Variants in NFXL1 observed in about 807,000 individuals in gnomAD.
The protein encoded by NFXL1 is NF-X1-type zinc finger protein NFXL1.
In NFXL1, 66 loss-of-function variants were observed where a neutral mutation model predicts 123.3. The observed-to-expected ratio is 0.54, with a 90% CI of 0.44 to 0.66. The LOEUF (loss-of-function observed/expected upper bound fraction) is 0.66, where lower values mean the gene tolerates loss of function less well. NFXL1 is among the 30% of genes least tolerant of loss of function. The pLI is 0.00. For synonymous variants in NFXL1, 346 were observed against 360.8 expected (o/e 0.96, Z 0.46); for missense variants, 944 against 1,125.6 (o/e 0.84, Z 2.31).
chr4:47,893,011 G>A (rs1215411941), intron 11 of NFXL1, among the ~76,000 whole-genome samples: 2 of 151,988 alleles, frequency 1.3e-5, no homozygotes, highest in African/African-American at 2.4e-5. Flanking sequence ...ATGCTAAGGA[G>A]AAACACGGAA....
intron 22 of NFXL1, 39 bp from the exon 23 acceptor site, chr4:47,848,375 ATACATT>A: frequency 1.4e-6 from 2 of 1,456,768 alleles, no homozygotes; most frequent in Non-Finnish European, 1.9e-6. Flanking sequence ...AATTCAATGC[ATACATT>A]GATTTGAAAG....
At chr4:47,899,220 CT>C in intron 6 of NFXL1, 100 bp from the exon 7 acceptor site, 1 of 1,297,222 alleles carries the variant, frequency 7.7e-7, no homozygotes, top group Non-Finnish European at 1.0e-6. Context: ...CTAGAACTTT[CT>C]TTACTGACAC....
chr4:47,912,466 T>C (rs977529020), intron 2 of NFXL1, among the ~76,000 whole-genome samples: 3 of 149,276 alleles, frequency 2.0e-5, no homozygotes, highest in African/African-American at 7.3e-5. Context: ...TCTTTCTTTT[T>C]TTTTTTTTTT....
chr4:47,914,102 T>C lies in NFXL1; in HGVS notation c.102A>G (p.Gly34=). 1 of 1,551,634 alleles carries C rather than the reference T, an allele frequency of 6.4e-7. No individual in the cohort carries two copies. Among genetic ancestry groups the C allele is most frequent in the Non-Finnish European group, 8.7e-7 (1 of 1,148,084 alleles). ...SGNGVHLRGA[G]GGREKGSVGA... ...CCACCGACCCCTTCTCTCGCCCTCCTCCGGCGCCGCGGAGATGGACTCCAT... is the reference window on the plus strand; with the variant it reads ...CCACCGACCCCTTCTCTCGCCCTCCCCCGGCGCCGCGGAGATGGACTCCAT... The change falls in exon 2 of 23, where the codon GGA becomes GGG. Residue 34 remains glycine, a synonymous_variant. Coordinates refer to ENST00000507489, the MANE Select transcript of NFXL1 (RefSeq NM_001278624.2).
At chr4:47,908,656 A>G (rs946182551) in intron 3 of NFXL1, among the ~76,000 whole-genome samples, 6 of 152,030 alleles carry the variant, frequency 3.9e-5, no homozygotes, top group Admixed American at 6.6e-5. Flanking sequence ...ACATGACTGA[A>G]AAAAGAAACA....
At chr4:47,877,174 G>A (rs918907371) in intron 17 of NFXL1, 6 of 465,824 alleles carry the variant, frequency 1.3e-5, no homozygotes, top group Non-Finnish European at 2.1e-5. Flanking sequence ...ACAAATCACA[G>A]AGCTTCAGTT....
At position 47,875,177 on chromosome 4, in the gene NFXL1, C is replaced by T; in HGVS notation, c.2196G>A (p.Met732Ile). The T allele has an allele frequency of 6.2e-7, 1 of 1,612,334 alleles. No individual in the cohort carries two copies. The highest frequency in any genetic ancestry group is 8.5e-7 in the Non-Finnish European group (1 of 1,178,572). ...TCTTACAGTGACATTTTATTCTAAG[C>T]ATCTGAACACAAGGTGGACATTCTC... ...HPGECPPCVQ[M>I]LRIKCHCKIT... The change falls in exon 18 of 23, where the codon ATG (methionine) becomes ATA (isoleucine). Residue 732 changes from methionine to isoleucine, a missense_variant. Transcript: ENST00000507489.
intron 11 of NFXL1, among the ~76,000 whole-genome samples, chr4:47,892,580 T>A (rs1736842194): frequency 6.6e-6 from 1 of 152,184 alleles, no homozygotes; most frequent in South Asian, 2.1e-4. Context: ...TAGAAGGACC[T>A]TCTAATACCT....
intron 18 of NFXL1, among the ~76,000 whole-genome samples, chr4:47,873,122 A>G (rs1210811930): frequency 6.6e-6 from 1 of 152,222 alleles, no homozygotes; most frequent in East Asian, 1.9e-4. Flanking sequence ...TTCAAGTTTT[A>G]TCATGAGATT....
At chr4:47,868,568 G>A (rs1387778324) in intron 18 of NFXL1, among the ~76,000 whole-genome samples, 5 of 149,658 alleles carry the variant, frequency 3.3e-5, no homozygotes, top group East Asian at 1.9e-4. Context: ...CATTAAAAAC[G>A]TACAAAAAAA....
At chr4:47,857,511 C>T (rs1018805738) in intron 19 of NFXL1, among the ~76,000 whole-genome samples, 1 of 152,200 alleles carries the variant, frequency 6.6e-6, no homozygotes, top group Non-Finnish European at 1.5e-5. Flanking sequence ...TTATATCTTT[C>T]TGCCTCCTAA....
At chr4:47,859,357 C>T (rs1224416068) in intron 19 of NFXL1, among the ~76,000 whole-genome samples, 5 of 152,124 alleles carry the variant, frequency 3.3e-5, no homozygotes, top group African/African-American at 9.7e-5. Context: ...ACATATATAG[C>T]GCTTACCATT....
intron 12 of NFXL1, among the ~76,000 whole-genome samples, chr4:47,887,599 G>A (rs1388117027): frequency 6.6e-6 from 1 of 152,056 alleles, no homozygotes; most frequent in East Asian, 1.9e-4. Flanking sequence ...ATGACTACAA[G>A]TTGTATTTTT....
Position 47,914,359 on chromosome 4 carries a change from CT to C in NFXL1, c.-3+5del. On this transcript the variant is annotated splice_donor_5th_base_variant and intron_variant, in intron 1 of 22. Coordinates refer to ENST00000507489, the MANE Select transcript of NFXL1 (RefSeq NM_001278624.2). ...GGGTTTTAGGAGGTCGCGGCCCTGC[CT>C]TTACCGGAGGGCGAGTCCCCGCCAA... 1 of 592,238 alleles carries C rather than the reference CT, an allele frequency of 1.7e-6. No individual in the cohort carries two copies. The highest frequency in any genetic ancestry group is 2.9e-5 in the East Asian group (1 of 33,962). 36.7% of individuals were successfully genotyped at this position (592,238 alleles called of 1,614,324 possible).
At chr4:47,851,763 G>C (rs988546926) in intron 21 of NFXL1, 93 bp downstream of exon 21, 1 of 784,652 alleles carries the variant, frequency 1.3e-6, no homozygotes, top group Non-Finnish European at 2.1e-6. Flanking sequence ...GCAAAAAAAT[G>C]AGATTTCAAG....
chr4:47,897,896 C>A, intron 9 of NFXL1, 71 bp downstream of exon 9: 1 of 924,132 alleles, frequency 1.1e-6, no homozygotes, highest in East Asian at 2.7e-5. Flanking sequence ...TCCTGGAGGA[C>A]GTCTTTTGAA....
intron 10 of NFXL1, among the ~76,000 whole-genome samples, chr4:47,895,082 AG>A (rs1369615529): frequency 6.6e-6 from 1 of 152,166 alleles, no homozygotes; most frequent in Non-Finnish European, 1.5e-5. Context: ...ATTGTCAATG[AG>A]CAGTAATATT....
intron 11 of NFXL1, among the ~76,000 whole-genome samples, chr4:47,891,843 A>G (rs1364505510): frequency 6.6e-6 from 1 of 152,082 alleles, no homozygotes; most frequent in East Asian, 1.9e-4. Context: ...AGGCTGAGGC[A>G]GGAGAATTGC....
rs375179450 is a variant in NFXL1 at position 47,875,206 on chromosome 4, G to A, written c.2167C>T (p.Pro723Ser). The change falls in exon 18 of 23, where the codon CCT becomes TCT. Residue 723 changes from proline to serine, a missense_variant. By Grantham distance (74) the Pro-to-Ser change is moderately conservative. Transcript: ENST00000507489. ...CLHPCILRCH[P>S]GECPPCVQML... is the part of the protein sequence containing the mutation. ...TGAACACAAGGTGGACATTCTCCAG[G>A]GTGACATCGCAAAATACATGGGTGA... 25 of 1,612,618 alleles carry A rather than the reference G, an allele frequency of 1.6e-5. No individual in the cohort carries two copies. In the African/African-American group the frequency reaches 3.1e-4, roughly 20 times the overall value.
Sources: gnomAD v4.1 joint callset for allele counts (sites outside exome capture counted in the v4.1 genomes callset) on GRCh38, gnomAD v4.1.1 for gene constraint, MANE v1.5 for transcripts, NCBI Gene and HGNC (gene_info 2026-07-23, HGNC 2026-07-21) for gene names.